The following AGMO variants were observed in gnomAD, a reference collection of about 807,000 sequenced individuals.
The protein encoded by AGMO is alkylglycerol monooxygenase.
AGMO carries 75 observed loss-of-function variants against 60.2 expected under a neutral mutation model. That is an observed-to-expected ratio of 1.25 (90% CI 1.03 to 1.51). The LOEUF (loss-of-function observed/expected upper bound fraction) is 1.51. Ranked by LOEUF, AGMO falls within the 40% of genes most tolerant of loss-of-function variation. The probability of loss-of-function intolerance (pLI) is 0.00; values close to 1 mark genes in which losing one functional copy is unlikely to be tolerated. For synonymous variants in AGMO, 261 were observed against 177.1 expected (o/e 1.47, Z -3.76); for missense variants, 763 against 525.5 (o/e 1.45, Z -4.42).
intron 2 of AGMO, among the ~76,000 whole-genome samples, chr7:15,547,311 G>A (rs1351624772): frequency 6.6e-6 from 1 of 152,098 alleles, no homozygotes; most frequent in African/African-American, 2.4e-5. Flanking sequence ...TTAAAACAGG[G>A]AGCCAAGATG....
At chr7:15,164,036 G>A in the AGMO span, among the ~76,000 whole-genome samples, 2 of 152,016 alleles carry the variant, frequency 1.3e-5, no homozygotes, top group African/African-American at 4.8e-5. Flanking sequence ...CATGGTACTT[G>A]TATAAAAATA....
intron 12 of AGMO, among the ~76,000 whole-genome samples, chr7:15,305,211 G>C (rs1357320001): frequency 1.4e-5 from 2 of 147,254 alleles, no homozygotes; most frequent in Non-Finnish European, 3.0e-5. Flanking sequence ...CAGGGGCAAG[G>C]ACAAGGCAAC....
chr7:15,540,475 C>G (rs1457324836), intron 3 of AGMO, among the ~76,000 whole-genome samples: 2 of 152,316 alleles, frequency 1.3e-5, no homozygotes. Context: ...GAGGCAAGGT[C>G]TCTTTCTCAT....
chr7:15,538,063 T>C (rs1370207830), intron 3 of AGMO, among the ~76,000 whole-genome samples: 3 of 152,022 alleles, frequency 2.0e-5, no homozygotes, highest in Non-Finnish European at 2.9e-5. Flanking sequence ...ATAGGCAAGT[T>C]GTTGATGGGA....
chr7:15,372,528 G>C (rs1452405455), intron 10 of AGMO, among the ~76,000 whole-genome samples: 1 of 152,028 alleles, frequency 6.6e-6, no homozygotes. Flanking sequence ...GGGCACTATG[G>C]TAAATATGAG....
chr7:15,532,392 T>C (rs999091179), intron 3 of AGMO, among the ~76,000 whole-genome samples: 1 of 152,128 alleles, frequency 6.6e-6, no homozygotes, highest in Non-Finnish European at 1.5e-5. Context: ...GCTCTGAGAG[T>C]TGGGCAAGTT....
intron 12 of AGMO, among the ~76,000 whole-genome samples, chr7:15,311,983 T>C (rs1780780250): frequency 6.6e-6 from 1 of 151,818 alleles, no homozygotes; most frequent in Non-Finnish European, 1.5e-5. Flanking sequence ...CCAAATTAGA[T>C]ACACCTGAAG....
At chr7:15,149,616 T>C in the AGMO span, among the ~76,000 whole-genome samples, 3 of 152,178 alleles carry the variant, frequency 2.0e-5, no homozygotes, top group African/African-American at 7.2e-5. Flanking sequence ...AAAGATCAGA[T>C]AGTTGTAAAT....
At chr7:15,156,251 T>G in the AGMO span, among the ~76,000 whole-genome samples, 14 of 152,124 alleles carry the variant, frequency 9.2e-5, no homozygotes, top group Admixed American at 3.3e-4. Context: ...AATATTGTAG[T>G]GCTTAGGCGA....
At chr7:15,280,292 C>T (rs1185106949) in intron 12 of AGMO, among the ~76,000 whole-genome samples, 4 of 152,164 alleles carry the variant, frequency 2.6e-5, no homozygotes, top group African/African-American at 9.7e-5. Flanking sequence ...TTGCCAAATG[C>T]ATGGAAGCTG....
At chr7:15,291,603 C>CA (rs914543677) in intron 12 of AGMO, among the ~76,000 whole-genome samples, 62 of 151,060 alleles carry the variant, frequency 4.1e-4, no homozygotes, top group South Asian at 1.7e-3. Flanking sequence ...CACACACACA[C>CA]AAAAAAAAAC....
rs576639081 is a variant in AGMO at position 15,209,708 on chromosome 7, C to T, written c.1264-8349G>A. On this transcript the variant is annotated intron_variant, in intron 12 of 12. Coordinates refer to ENST00000342526, the MANE Select transcript of AGMO (RefSeq NM_001004320.2). ...AGGACCAGCCATGCCAGAACTGGACCCAAGGGTATACAGAGTCTTGACTGA... is the reference window on the plus strand; with the variant it reads ...AGGACCAGCCATGCCAGAACTGGACTCAAGGGTATACAGAGTCTTGACTGA... Among the ~76,000 whole-genome samples, 17 of 152,162 alleles carry T rather than the reference C, an allele frequency of 1.1e-4. No homozygotes were observed. In the South Asian group the frequency reaches 1.5e-3, roughly 13 times the overall value.
intron 3 of AGMO, among the ~76,000 whole-genome samples, chr7:15,440,028 A>C (rs139486610): frequency 1.4e-3 from 219 of 152,262 alleles, no homozygotes; most frequent in African/African-American, 5.1e-3. Context: ...CCTTAGCCTG[A>C]CTCAGGCAAG....
chr7:15,280,723 A>T (rs1042700463), intron 12 of AGMO, among the ~76,000 whole-genome samples: 3 of 152,206 alleles, frequency 2.0e-5, no homozygotes, highest in Non-Finnish European at 4.4e-5. Context: ...ACCTACACCC[A>T]GGAAGAAGAA....
chr7:15,522,970 A>C (rs929754775), intron 3 of AGMO, among the ~76,000 whole-genome samples: 2 of 152,194 alleles, frequency 1.3e-5, no homozygotes, highest in Admixed American at 6.5e-5. Flanking sequence ...TAATATTCAG[A>C]CTCTACAAAG....
intron 12 of AGMO, among the ~76,000 whole-genome samples, chr7:15,214,525 T>C (rs914456919): frequency 6.6e-6 from 1 of 151,982 alleles, no homozygotes; most frequent in Non-Finnish European, 1.5e-5. Context: ...TTGAGAACCA[T>C]TGTGCAAGGC....
chr7:15,400,023 A>G (rs933552389), intron 5 of AGMO, among the ~76,000 whole-genome samples: 4 of 152,092 alleles, frequency 2.6e-5, no homozygotes, highest in Admixed American at 6.6e-5. Flanking sequence ...ATGCATATTG[A>G]GAGATCATTA....
intron 3 of AGMO, among the ~76,000 whole-genome samples, chr7:15,491,002 A>G (rs893317093): frequency 6.6e-6 from 1 of 152,198 alleles, no homozygotes; most frequent in Non-Finnish European, 1.5e-5. Context: ...CTTTGTGCCA[A>G]GTAGAGGAAT....
chr7:15,203,497 C>CT (rs1270640833), intron 12 of AGMO, among the ~76,000 whole-genome samples: 16 of 147,814 alleles, frequency 1.1e-4, no homozygotes, highest in East Asian at 9.9e-4. Flanking sequence ...TTTTTCTTTT[C>CT]TTTTTTTTTG....
Sources: gnomAD v4.1 joint callset for allele counts (sites outside exome capture counted in the v4.1 genomes callset) on GRCh38, gnomAD v4.1.1 for gene constraint, MANE v1.5 for transcripts, NCBI Gene and HGNC (gene_info 2026-07-23, HGNC 2026-07-21) for gene names.